Variants in TRIM36 observed in about 807,000 individuals in gnomAD.
TRIM36 encodes E3 ubiquitin-protein ligase TRIM36.
TRIM36 carries 42 observed loss-of-function variants against 72.4 expected under a neutral mutation model. That is an observed-to-expected ratio of 0.58 (90% CI 0.45 to 0.75). The LOEUF is 0.75. Among genes scored for constraint, TRIM36 ranks in the 30% least tolerant of loss-of-function variants. TRIM36 has a pLI of 0.00. For synonymous variants in TRIM36, 315 were observed against 282.8 expected, an observed-to-expected ratio of 1.11 and a Z score of -1.14; for missense variants, 913 against 857.1, an observed-to-expected ratio of 1.07 and a Z score of -0.81.
intron 8 of TRIM36, 89 bp from the exon 9 acceptor site, chr5:115,130,978 AAG>A: frequency 7.0e-7 from 1 of 1,426,178 alleles, no homozygotes; most frequent in Non-Finnish European, 9.3e-7. Context: ...GAAATTACTG[AAG>A]AGAGACAGGA....
rs572999004 is a variant in TRIM36, at chr5:115,155,081, C to T, written c.263-7687G>A. Reference sequence around the variant, plus strand: ...GTGCATGCTTGTAATCCCAGCTACTCGGGAGGCTGAGGCAGAAGAATCGCC... The same window carrying T: ...GTGCATGCTTGTAATCCCAGCTACTTGGGAGGCTGAGGCAGAAGAATCGCC... On this transcript the variant is annotated intron_variant, in intron 2 of 9. Transcript: ENST00000513154. Among the ~76,000 whole-genome samples the T allele has an allele frequency of 2.0e-5, 3 of 152,114 alleles. No individual in the cohort carries two copies. The East Asian group carries it at 5.8e-4, about 29-fold the overall frequency.
chr5:115,169,622 C>A lies in TRIM36; in HGVS notation c.13G>T (p.Gly5Cys). The change falls in exon 1 of 10, where the codon GGC (glycine) becomes TGC (cysteine). Residue 5 changes from glycine to cysteine, a missense_variant. Physicochemically the swap from Gly to Cys is radical, Grantham distance 159. Coordinates refer to ENST00000513154, the MANE Select transcript of TRIM36 (RefSeq NM_001300759.2). ...TCCGCACTCACCGGCGAATCTGAGC[C>A]ATCGCCCTCCATGGCTGCCTTCTGC... MEGD[G>C]SDSPVTIKNI... 1.3e-6 allele frequency: 2 copies of A among 1,524,646 alleles called. No individual in the cohort carries two copies. The highest frequency in any genetic ancestry group is 5.0e-5 in the East Asian group (2 of 40,386). The allele number at this position is 1,524,646 out of a possible 1,614,324, so 94.4% of individuals were successfully genotyped here.
chr5:115,127,942 C>T (rs868271001), intron 9 of TRIM36, among the ~76,000 whole-genome samples: 1 of 151,698 alleles, frequency 6.6e-6, no homozygotes, highest in Non-Finnish European at 1.5e-5. Context: ...TGGGACAAGA[C>T]GTGGAAGTGG....
chr5:115,126,979 T>C (rs1561415811), intron 9 of TRIM36, 122 bp from the exon 10 acceptor site: 2 of 1,011,672 alleles, frequency 2.0e-6, no homozygotes, highest in Non-Finnish European at 2.8e-6. Context: ...AAGCTTTCTA[T>C]TAAAACAAAA....
At chr5:115,177,721 A>T (rs761458091) in intron 1 of TRIM36, 1 of 1,613,732 alleles carries the variant, frequency 6.2e-7, no homozygotes, top group Non-Finnish European at 8.5e-7. Context: ...TCCCCCTCCA[A>T]CCCCCACAAA....
rs1367713444 is a variant in TRIM36, at chr5:115,133,869, G to A, written c.1489C>T (p.Pro497Ser). The change falls in exon 8 of 10, where the codon CCA becomes TCA. Residue 497 changes from proline to serine, a missense_variant. Transcript: ENST00000513154. Reference sequence around the variant, plus strand: ...CTGATATTCACCATACCTGGAGCTGGAGGAGTATGAAGAATCAATTCTCTG... The same window carrying A: ...CTGATATTCACCATACCTGGAGCTGAAGGAGTATGAAGAATCAATTCTCTG... Reference protein sequence around the residue: ...CSRELILHTPPAPVFSFLFDE... With the variant: ...CSRELILHTPSAPVFSFLFDE... 1 of 1,590,900 alleles carries A rather than the reference G, an allele frequency of 6.3e-7. No individual in the cohort carries two copies. The highest frequency in any genetic ancestry group is 8.6e-7 in the Non-Finnish European group (1 of 1,169,436).
At chr5:115,158,151 A>G (rs1383053623) in intron 2 of TRIM36, among the ~76,000 whole-genome samples, 2 of 152,132 alleles carry the variant, frequency 1.3e-5, no homozygotes, top group Non-Finnish European at 2.9e-5. Flanking sequence ...AAGAAAAGTA[A>G]TGATGGCTTG....
rs1752809550 is a variant in TRIM36 at position 115,133,733 on chromosome 5, T to G, written c.1498+127A>C. On this transcript the variant is annotated intron_variant, in intron 8 of 9. Coordinates refer to ENST00000513154, the MANE Select transcript of TRIM36 (RefSeq NM_001300759.2). ...AGCCCAGCTGGGATAGAAGCTACTT[T>G]TCTGGAGTCTTTTAAAAACAAGAGC... 4 of 927,980 alleles carry G rather than the reference T, an allele frequency of 4.3e-6. No individual in the cohort carries two copies. The South Asian group carries it at 1.1e-4, about 25-fold the overall frequency. The allele number at this position is 927,980 out of a possible 1,614,324, so 57.5% of individuals were successfully genotyped here.
chr5:115,165,895 G>T (rs2126937515), intron 1 of TRIM36, among the ~76,000 whole-genome samples: 1 of 152,230 alleles, frequency 6.6e-6, no homozygotes, highest in South Asian at 2.1e-4. Context: ...AAAAGCTGTG[G>T]CCAAGCCCGG....
At chr5:115,129,949 T>C (rs1423154047) in intron 9 of TRIM36, among the ~76,000 whole-genome samples, 2 of 152,220 alleles carry the variant, frequency 1.3e-5, no homozygotes, top group African/African-American at 4.8e-5. Flanking sequence ...AGTGGACATG[T>C]CACTATGTTT....
intron 1 of TRIM36, among the ~76,000 whole-genome samples, chr5:115,166,864 C>G (rs2126939815): frequency 6.6e-6 from 1 of 152,232 alleles, no homozygotes; most frequent in Admixed American, 6.5e-5. Flanking sequence ...TGTGGTACAC[C>G]TGTTCCAGCC....
At chr5:115,178,274 C>T (rs1459026478) in intron 1 of TRIM36, among the ~76,000 whole-genome samples, 1 of 152,208 alleles carries the variant, frequency 6.6e-6, no homozygotes, top group African/African-American at 2.4e-5. Context: ...ATCCTATTCT[C>T]CATCCTATCA....
At chr5:115,151,842 C>T (rs940423369) in intron 2 of TRIM36, among the ~76,000 whole-genome samples, 1 of 152,172 alleles carries the variant, frequency 6.6e-6, no homozygotes, top group Non-Finnish European at 1.5e-5. Context: ...AAGAGTACCA[C>T]ATCAAAAACA....
chr5:115,135,005 T>C (rs911806343), intron 7 of TRIM36, among the ~76,000 whole-genome samples: 8 of 152,222 alleles, frequency 5.3e-5, no homozygotes, highest in Admixed American at 5.2e-4. Context: ...TACTATAACC[T>C]TTTTGTATAG....
rs143636004 is a variant in TRIM36 at position 115,129,045 on chromosome 5, C to T, written c.1796+1547G>A. Among the ~76,000 whole-genome samples the T allele has an allele frequency of 4.2e-4, 64 of 152,156 alleles. No individual in the cohort carries two copies. In the East Asian group the frequency reaches 0.011, roughly 26 times the overall value. On this transcript the variant is annotated intron_variant, in intron 9 of 9. Transcript: ENST00000513154. ...ATTGTACCTTTTCTATGTTTAGATA[C>T]ACAAATACTTACTGTTGCATTAAAA...
chr5:115,173,165 C>G (rs1755190705), upstream of TRIM36, among the ~76,000 whole-genome samples: 3 of 152,130 alleles, frequency 2.0e-5, no homozygotes, highest in South Asian at 4.1e-4. Flanking sequence ...CCCAGGATAC[C>G]AAGACCCTTC....
At chr5:115,133,832 C>CT (rs771438730) in intron 8 of TRIM36, 28 bp downstream of exon 8, 2 of 1,542,582 alleles carry the variant, frequency 1.3e-6, no homozygotes, top group Non-Finnish European at 8.7e-7. Context: ...TAACTCTATG[C>CT]TTTTTTTATT....
intron 1 of TRIM36, among the ~76,000 whole-genome samples, chr5:115,164,044 A>C (rs1379602158): frequency 6.6e-6 from 1 of 152,226 alleles, no homozygotes; most frequent in Admixed American, 6.5e-5. Context: ...CCATCATTCG[A>C]ATCTCCATCA....
intron 7 of TRIM36, among the ~76,000 whole-genome samples, chr5:115,135,897 G>T (rs1237360294): frequency 1.3e-5 from 2 of 152,014 alleles, no homozygotes; most frequent in Non-Finnish European, 2.9e-5. Flanking sequence ...AAATTTCCTT[G>T]TATTAATGTA....
Sources: allele counts gnomAD v4.1 joint callset (sites outside exome capture counted in the v4.1 genomes callset), GRCh38; gene constraint gnomAD v4.1.1; transcripts MANE v1.5; gene names NCBI Gene and HGNC (gene_info 2026-07-23, HGNC 2026-07-21).